CACUL1: variants seen among roughly 807,000 people sequenced by gnomAD.
CACUL1 encodes the protein CDK2-associated and cullin domain-containing protein 1.
Under a neutral mutation model 45.2 loss-of-function variants are expected in CACUL1, and 13 were observed. The ratio of observed to expected loss-of-function variants is 0.29; its 90% CI spans 0.19 to 0.46. CACUL1 has a LOEUF of 0.46. Ranked by LOEUF, CACUL1 falls within the 20% of genes least tolerant of loss-of-function variation. The pLI is 1.00. For missense variants in CACUL1, 421 were observed against 471.4 expected (o/e 0.89, Z 0.99); for synonymous variants, 197 against 174.2 (o/e 1.13, Z -1.03).
intron 1 of CACUL1, among the ~76,000 whole-genome samples, chr10:118,740,473 G>A (rs1418800176): frequency 6.6e-6 from 1 of 151,966 alleles, no homozygotes; most frequent in Non-Finnish European, 1.5e-5. Context: ...AGCCAGGCAT[G>A]GTGGCACATG....
chr10:118,741,465 G>GAC (rs111918500), intron 1 of CACUL1, among the ~76,000 whole-genome samples: 1,765 of 139,302 alleles, frequency 0.013, 25 homozygotes, highest in African/African-American at 0.053. Context: ...GAGACAGACA[G>GAC]ACACACACAC....
At position 118,691,442 on chromosome 10, in the gene CACUL1, A is replaced by G. The variant is rs780985069; in HGVS notation, c.887-39T>C. The G allele has an allele frequency of 5.1e-6, 8 of 1,555,790 alleles. No individual in the cohort carries two copies. In the South Asian group the frequency reaches 9.3e-5, roughly 18 times the overall value. ...AAACAATTCATTAAGGAAATCATAT[A>G]AACACACCAAATTAAATGGAAAAGG... On this transcript the variant is annotated intron_variant, in intron 6 of 8. Transcript: ENST00000369151.
chr10:118,753,697 AC>A (rs1177025810), intron 1 of CACUL1, among the ~76,000 whole-genome samples: 1 of 152,222 alleles, frequency 6.6e-6, no homozygotes, highest in East Asian at 1.9e-4. Flanking sequence ...TCAACATGCA[AC>A]CCAATCTTGG....
At chr10:118,751,143 GTA>G (rs1353898707) in intron 1 of CACUL1, among the ~76,000 whole-genome samples, 2 of 152,138 alleles carry the variant, frequency 1.3e-5, no homozygotes. Context: ...TCTTGTTGAT[GTA>G]TAGTAAGTAG....
intron 3 of CACUL1, among the ~76,000 whole-genome samples, chr10:118,710,751 A>G (rs1255006130): frequency 2.0e-5 from 3 of 152,222 alleles, no homozygotes; most frequent in Non-Finnish European, 4.4e-5. Flanking sequence ...TGCCTAGAAC[A>G]TAGTAGATAA....
At chr10:118,732,200 T>C (rs954985237) in intron 1 of CACUL1, among the ~76,000 whole-genome samples, 3 of 152,144 alleles carry the variant, frequency 2.0e-5, no homozygotes, top group South Asian at 4.1e-4. Context: ...TGATATGGGG[T>C]TGGGCCAGAT....
intron 3 of CACUL1, among the ~76,000 whole-genome samples, chr10:118,724,602 A>G (rs1205446042): frequency 6.6e-6 from 1 of 152,204 alleles, no homozygotes; most frequent in African/African-American, 2.4e-5. Flanking sequence ...TTTTTGAACA[A>G]GAAAGTATGT....
chr10:118,696,203 C>T (rs574402745), intron 5 of CACUL1, among the ~76,000 whole-genome samples: 9 of 152,284 alleles, frequency 5.9e-5, no homozygotes, highest in Non-Finnish European at 1.0e-4. Flanking sequence ...TAGATAGTTA[C>T]AATTTTGAAT....
chr10:118,726,377 A>C (rs2119634835), intron 3 of CACUL1: 1 of 1,242,630 alleles, frequency 8.0e-7, no homozygotes, highest in East Asian at 5.6e-5. Flanking sequence ...CAGCCAGAAC[A>C]CATCTGCTGA....
chr10:118,736,134 A>G (rs939471535), intron 1 of CACUL1, among the ~76,000 whole-genome samples: 2 of 152,180 alleles, frequency 1.3e-5, no homozygotes, highest in African/African-American at 4.8e-5. Context: ...CAAGAACATA[A>G]CCTGAGGAAT....
chr10:118,718,255 A>G (rs1845565578), intron 3 of CACUL1, among the ~76,000 whole-genome samples: 1 of 152,202 alleles, frequency 6.6e-6, no homozygotes. Flanking sequence ...TGATGGAAGC[A>G]CAGGAAACTT....
At chr10:118,720,055 A>G (rs1032680407) in intron 3 of CACUL1, among the ~76,000 whole-genome samples, 3 of 152,336 alleles carry the variant, frequency 2.0e-5, no homozygotes, top group East Asian at 1.9e-4. Flanking sequence ...TAGATAGAAG[A>G]TATTTCTCTT....
chr10:118,687,929 G>A (rs1282415773), intron 7 of CACUL1, among the ~76,000 whole-genome samples: 1 of 152,172 alleles, frequency 6.6e-6, no homozygotes, highest in Non-Finnish European at 1.5e-5. Context: ...CCACTGCCTA[G>A]AAGAGTATAG....
At chr10:118,717,144 C>T (rs1251978616) in intron 3 of CACUL1, among the ~76,000 whole-genome samples, 1 of 152,154 alleles carries the variant, frequency 6.6e-6, no homozygotes, top group Non-Finnish European at 1.5e-5. Flanking sequence ...GCTGGCCCAC[C>T]TGTTAAGCAT....
At chr10:118,704,873 G>T (rs888835960) in intron 4 of CACUL1, among the ~76,000 whole-genome samples, 3 of 152,170 alleles carry the variant, frequency 2.0e-5, no homozygotes, top group Admixed American at 2.0e-4. Flanking sequence ...TTCTTCTTGG[G>T]CGCAGTATAA....
intron 3 of CACUL1, among the ~76,000 whole-genome samples, chr10:118,728,023 G>A (rs919747378): frequency 1.3e-5 from 2 of 152,026 alleles, no homozygotes; most frequent in African/African-American, 2.4e-5. Context: ...TATAGTTAGC[G>A]GCAAAAAGAT....
intron 1 of CACUL1, among the ~76,000 whole-genome samples, chr10:118,733,459 A>G (rs1286138622): frequency 6.6e-6 from 1 of 152,050 alleles, no homozygotes; most frequent in African/African-American, 2.4e-5. Context: ...CTTTCTTCCC[A>G]GGAAGGTTCT....
At chr10:118,748,069 AG>A (rs1845861341) in intron 1 of CACUL1, among the ~76,000 whole-genome samples, 1 of 152,154 alleles carries the variant, frequency 6.6e-6, no homozygotes, top group South Asian at 2.1e-4. Context: ...TGGGCGACAG[AG>A]TGAGATCCCA....
At chr10:118,704,178 C>T (rs1320401485) in intron 4 of CACUL1, among the ~76,000 whole-genome samples, 8 of 150,988 alleles carry the variant, frequency 5.3e-5, no homozygotes, top group Admixed American at 5.3e-4. Flanking sequence ...ATGTTACAGA[C>T]CAGCCTGGAT....
Sources: gnomAD v4.1 joint callset for allele counts (sites outside exome capture counted in the v4.1 genomes callset) on GRCh38, gnomAD v4.1.1 for gene constraint, MANE v1.5 for transcripts, NCBI Gene and HGNC (gene_info 2026-07-23, HGNC 2026-07-21) for gene names.